Variants in CNTNAP5 observed in about 807,000 individuals in gnomAD.
CNTNAP5 encodes the protein contactin-associated protein-like 5.
CNTNAP5 carries 72 observed loss-of-function variants against 150.2 expected under a neutral mutation model. That is an observed-to-expected ratio of 0.48 (90% CI 0.40 to 0.58). CNTNAP5 has a LOEUF of 0.58. Ranked by LOEUF, CNTNAP5 falls within the 20% of genes least tolerant of loss-of-function variation. CNTNAP5 has a pLI of 0.00. For synonymous variants in CNTNAP5, 672 were observed against 619.8 expected, an observed-to-expected ratio of 1.08 and a Z score of -1.25; for missense variants, 1,636 against 1,626.2, an observed-to-expected ratio of 1.01 and a Z score of -0.10.
intron 13 of CNTNAP5, among the ~76,000 whole-genome samples, chr2:124,743,507 C>T (rs1040054774): frequency 5.3e-5 from 8 of 152,236 alleles, no homozygotes; most frequent in South Asian, 2.1e-4. Context: ...TTTGCAGACA[C>T]AGGGTCTGCA....
chr2:124,623,906 G>A (rs1441191526), intron 12 of CNTNAP5, among the ~76,000 whole-genome samples: 3 of 152,214 alleles, frequency 2.0e-5, no homozygotes, highest in African/African-American at 4.8e-5. Flanking sequence ...TTTGCTTTCT[G>A]TAAATGAAGC....
At position 124,257,951 on chromosome 2, in the gene CNTNAP5, A is replaced by T. The variant is rs80161568; in HGVS notation, c.381+15558A>T. ...CTAAAATTACTTTTCCATCATTATA[A>T]ATTTGACTTGAAAGCCATGCAATTG... On this transcript the variant is annotated intron_variant, in intron 3 of 23. Coordinates refer to ENST00000682447, the MANE Select transcript of CNTNAP5 (RefSeq NM_001367498.1). 1.7e-3 allele frequency among the ~76,000 whole-genome samples: 252 copies of T among 152,302 alleles called. 2 individuals are homozygous for T. The highest frequency in any genetic ancestry group is 5.9e-3 in the African/African-American group (245 of 41,576).
rs533306776 is a variant in CNTNAP5 at position 124,330,262 on chromosome 2, G to T, written c.382-87181G>T. Among the ~76,000 whole-genome samples the T allele has an allele frequency of 2.0e-5, 3 of 152,232 alleles. No individual in the cohort carries two copies. In the East Asian group the frequency reaches 5.8e-4, roughly 29 times the overall value. ...TGGAAGATATAATATTCCAGTCAAAGCCTTGGTAATATAATCAGTGCTTCC... is the reference window on the plus strand; with the variant it reads ...TGGAAGATATAATATTCCAGTCAAATCCTTGGTAATATAATCAGTGCTTCC... On this transcript the variant is annotated intron_variant, in intron 3 of 23. Transcript: ENST00000682447.
At chr2:124,257,862 A>G (rs1558822541) in intron 3 of CNTNAP5, among the ~76,000 whole-genome samples, 1 of 152,138 alleles carries the variant, frequency 6.6e-6, no homozygotes, top group African/African-American at 2.4e-5. Flanking sequence ...TAAACATTCA[A>G]TAGTAACTTG....
intron 13 of CNTNAP5, among the ~76,000 whole-genome samples, chr2:124,713,264 T>C (rs1056168418): frequency 1.6e-4 from 19 of 122,062 alleles, no homozygotes; most frequent in African/African-American, 4.9e-4. Flanking sequence ...TTTCTTTCTT[T>C]CTTTCTTTCT....
At chr2:124,710,545 AC>A (rs1679785538) in intron 13 of CNTNAP5, among the ~76,000 whole-genome samples, 2 of 152,112 alleles carry the variant, frequency 1.3e-5, no homozygotes, top group Non-Finnish European at 2.9e-5. Context: ...CAGTCAATCC[AC>A]CACTCCATCC....
rs1369284507 is a variant in CNTNAP5, at chr2:124,915,213, CACACAT to C, written c.*927_*932del. 1.2e-4 allele frequency: 20 copies of C among 166,312 alleles called. 1 individual carries two copies. The East Asian group carries it at 1.7e-3, about 15-fold the overall frequency. 10.3% of individuals were successfully genotyped at this position (166,312 alleles called of 1,614,324 possible). On this transcript the variant is annotated 3_prime_UTR_variant, in exon 24 of 24. Transcript: ENST00000682447. ...GTATATATACACACACACACACACA[CACACAT>C]ATATATATATACACACACGCACACA... is the stretch of plus-strand genomic sequence containing the variant.
intron 3 of CNTNAP5, among the ~76,000 whole-genome samples, chr2:124,388,216 T>A (rs535104404): frequency 1.3e-5 from 2 of 152,134 alleles, no homozygotes; most frequent in African/African-American, 2.4e-5. Context: ...ACTCCAGAGA[T>A]GTGAGGCTTA....
At chr2:124,507,120 T>C (rs1334306819) in intron 8 of CNTNAP5, among the ~76,000 whole-genome samples, 1 of 152,088 alleles carries the variant, frequency 6.6e-6, no homozygotes, top group African/African-American at 2.4e-5. Flanking sequence ...TGCTTTTATA[T>C]CACCTTGAGA....
At chr2:124,795,463 C>A (rs58185598) in intron 18 of CNTNAP5, among the ~76,000 whole-genome samples, 2 of 152,258 alleles carry the variant, frequency 1.3e-5, no homozygotes, top group East Asian at 3.9e-4. Flanking sequence ...ACATCAAGCC[C>A]AAGGTTAACT....
chr2:124,370,555 G>A (rs1029972873), intron 3 of CNTNAP5, among the ~76,000 whole-genome samples: 1 of 152,124 alleles, frequency 6.6e-6, no homozygotes, highest in Non-Finnish European at 1.5e-5. Flanking sequence ...CTGAACTCTT[G>A]CAGATGCAAG....
intron 1 of CNTNAP5, among the ~76,000 whole-genome samples, chr2:124,209,276 CAG>C (rs1218074243): frequency 6.6e-6 from 1 of 152,092 alleles, no homozygotes; most frequent in Non-Finnish European, 1.5e-5. Context: ...ACAAGTAAGT[CAG>C]AGAGAAGATG....
At chr2:124,379,047 G>A (rs1205005922) in intron 3 of CNTNAP5, among the ~76,000 whole-genome samples, 1 of 151,614 alleles carries the variant, frequency 6.6e-6, no homozygotes, top group East Asian at 1.9e-4. Flanking sequence ...TGAGCAGAAA[G>A]TACAAAAATT....
intron 1 of CNTNAP5, among the ~76,000 whole-genome samples, chr2:124,113,045 G>C (rs1202271117): frequency 6.6e-6 from 1 of 152,096 alleles, no homozygotes; most frequent in African/African-American, 2.4e-5. Context: ...TACACTGCCT[G>C]TGAATGTAAG....
At chr2:124,050,014 A>G (rs947947124) in intron 1 of CNTNAP5, among the ~76,000 whole-genome samples, 16 of 152,238 alleles carry the variant, frequency 1.1e-4, no homozygotes, top group African/African-American at 3.4e-4. Flanking sequence ...CATAGTTTCT[A>G]CTTCCTAATA....
intron 6 of CNTNAP5, among the ~76,000 whole-genome samples, chr2:124,462,107 T>G (rs1693270121): frequency 6.6e-6 from 1 of 152,088 alleles, no homozygotes; most frequent in Non-Finnish European, 1.5e-5. Flanking sequence ...CACAGAGAAG[T>G]TGAAGAAGTC....
chr2:124,193,386 GTAT>G (rs1311276657), intron 1 of CNTNAP5, among the ~76,000 whole-genome samples: 1 of 152,150 alleles, frequency 6.6e-6, no homozygotes, highest in African/African-American at 2.4e-5. Context: ...CTAAGAATTA[GTAT>G]TTTTCAGGGC....
chr2:124,800,325 A>T (rs1055739310), intron 19 of CNTNAP5, among the ~76,000 whole-genome samples: 2 of 152,200 alleles, frequency 1.3e-5, no homozygotes, highest in African/African-American at 4.8e-5. Context: ...GCTGCCATGA[A>T]GACAGACAGT....
intron 14 of CNTNAP5, among the ~76,000 whole-genome samples, chr2:124,747,767 A>T (rs1227168667): frequency 5.9e-5 from 8 of 136,132 alleles, no homozygotes; most frequent in African/African-American, 2.2e-4. Context: ...GCAAAAGCAC[A>T]TGCCACCACT....
Sources: gnomAD v4.1 joint callset for allele counts (sites outside exome capture counted in the v4.1 genomes callset) on GRCh38, gnomAD v4.1.1 for gene constraint, MANE v1.5 for transcripts, NCBI Gene and HGNC (gene_info 2026-07-23, HGNC 2026-07-21) for gene names.